The following ARMH3 variants were observed in gnomAD, a reference collection of about 807,000 sequenced individuals.
ARMH3 encodes the protein armadillo like helical domain containing 3.
Under a neutral mutation model 99.1 loss-of-function variants are expected in ARMH3, and 60 were observed. The ratio of observed to expected loss-of-function variants is 0.61; its 90% CI spans 0.49 to 0.75. The LOEUF (loss-of-function observed/expected upper bound fraction) is 0.75, where lower values mean the gene tolerates loss of function less well. Among genes scored for constraint, ARMH3 ranks in the 30% least tolerant of loss-of-function variants. The pLI, the probability that ARMH3 is intolerant of heterozygous loss-of-function variation, is 0.00. For synonymous variants in ARMH3, 285 were observed against 292.8 expected (o/e 0.97, Z 0.27); for missense variants, 679 against 843.1 (o/e 0.81, Z 2.41).
At chr10:101,954,823 A>C (rs1372601758) in intron 22 of ARMH3, among the ~76,000 whole-genome samples, 1 of 152,168 alleles carries the variant, frequency 6.6e-6, no homozygotes, top group Non-Finnish European at 1.5e-5. Context: ...CTCCTAGTTA[A>C]CATTTTTACT....
intron 19 of ARMH3, among the ~76,000 whole-genome samples, chr10:101,985,137 G>A (rs1301804634): frequency 6.8e-6 from 1 of 147,154 alleles, no homozygotes; most frequent in African/African-American, 2.5e-5. Flanking sequence ...ACACACATGT[G>A]TACATATATA....
chr10:101,877,428 G>A (rs991821089), intron 24 of ARMH3, among the ~76,000 whole-genome samples: 8 of 152,140 alleles, frequency 5.3e-5, no homozygotes, highest in Non-Finnish European at 1.0e-4. Context: ...TTGGGAGGCC[G>A]AGGCAGGCAG....
chr10:101,889,836 G>T lies in ARMH3; in HGVS notation c.1782-346C>A, dbSNP rs76580823. On this transcript the variant is annotated intron_variant, in intron 23 of 25. Transcript: ENST00000370033. The stretch of plus-strand genomic sequence containing the variant: ...GGGGCCCTGGTGCTTCAATCAGAAA[G>T]AAAAGCTGTCTTGTCTGACTTGGGA... The T allele has an allele frequency of 7.0e-3, 1,550 of 222,270 alleles. 19 individuals are homozygous for T. Among genetic ancestry groups the T allele is most frequent in the African/African-American group, 0.032 (1,456 of 45,046 alleles). 13.8% of individuals were successfully genotyped at this position (222,270 alleles called of 1,614,324 possible). A position where few individuals can be genotyped will look rare whatever the true frequency, so the allele number is the denominator to read the frequency against.
chr10:101,978,420 T>C (rs1846096122), intron 19 of ARMH3, among the ~76,000 whole-genome samples: 1 of 152,180 alleles, frequency 6.6e-6, no homozygotes, highest in Non-Finnish European at 1.5e-5. Context: ...ACAACCACTT[T>C]GGAAAAGTCT....
At chr10:101,855,061 CTTT>C (rs36174325) in intron 24 of ARMH3, among the ~76,000 whole-genome samples, 2 of 9,784 alleles carry the variant, frequency 2.0e-4, no homozygotes, top group East Asian at 3.7e-3. Context: ...ACTGTCTATT[CTTT>C]TTTTTTTTTT....
chr10:102,011,425 T>G (rs1207880402), intron 11 of ARMH3, among the ~76,000 whole-genome samples: 8 of 151,842 alleles, frequency 5.3e-5, no homozygotes, highest in Admixed American at 4.6e-4. Context: ...CTTTAAAAAA[T>G]TAATTAATTA....
chr10:101,892,216 G>A (rs993781622), intron 23 of ARMH3, among the ~76,000 whole-genome samples: 9 of 152,108 alleles, frequency 5.9e-5, no homozygotes, highest in African/African-American at 1.9e-4. Context: ...AGGCTAAGGT[G>A]GGCGGATTAC....
intron 8 of ARMH3, among the ~76,000 whole-genome samples, chr10:102,022,461 C>T (rs1403050672): frequency 2.2e-5 from 3 of 139,252 alleles, no homozygotes; most frequent in Admixed American, 7.3e-5. Context: ...CACTGCACTC[C>T]AGCCTGGGCG....
intron 20 of ARMH3, among the ~76,000 whole-genome samples, chr10:101,966,094 TTTC>T: frequency 6.6e-6 from 1 of 150,934 alleles, no homozygotes. Flanking sequence ...TTTTTTTCTT[TTTC>T]TTTTCTTTTT....
At chr10:101,912,961 A>T (rs1481587379) in intron 23 of ARMH3, 1 of 152,200 alleles carries the variant, frequency 6.6e-6, no homozygotes, top group Non-Finnish European at 1.5e-5. Flanking sequence ...AAAGGATACC[A>T]AAGACAGGGA....
At chr10:101,915,117 T>C (rs545569993) in intron 23 of ARMH3, among the ~76,000 whole-genome samples, 3 of 152,192 alleles carry the variant, frequency 2.0e-5, no homozygotes, top group Non-Finnish European at 4.4e-5. Context: ...CCTGCTCCAA[T>C]AGTAGACTTC....
intron 23 of ARMH3, 132 bp downstream of exon 23, chr10:101,939,731 C>G: frequency 1.6e-6 from 1 of 635,964 alleles, no homozygotes; most frequent in Admixed American, 2.9e-5. Context: ...TCAAGTACGA[C>G]AATTTTTCTT....
At chr10:101,885,326 T>C (rs1301770128) in intron 24 of ARMH3, among the ~76,000 whole-genome samples, 1 of 152,206 alleles carries the variant, frequency 6.6e-6, no homozygotes, top group East Asian at 1.9e-4. Flanking sequence ...CACATAGTTG[T>C]AATACGCCAA....
intron 23 of ARMH3, among the ~76,000 whole-genome samples, chr10:101,907,390 T>G (rs902174798): frequency 4.0e-5 from 6 of 151,686 alleles, no homozygotes; most frequent in South Asian, 2.1e-4. Context: ...TTTTTGTTTT[T>G]TTTTTTTTTT....
At chr10:101,854,626 C>T (rs1234895039) in intron 24 of ARMH3, among the ~76,000 whole-genome samples, 2 of 152,118 alleles carry the variant, frequency 1.3e-5, no homozygotes, top group African/African-American at 4.8e-5. Flanking sequence ...TTGGGAAGGC[C>T]TAAACATCTG....
chr10:102,010,311 A>G (rs996626934), intron 11 of ARMH3, among the ~76,000 whole-genome samples: 3 of 152,142 alleles, frequency 2.0e-5, no homozygotes, highest in African/African-American at 4.8e-5. Flanking sequence ...CTTTTGTCCA[A>G]CTCTCCTTTT....
chr10:101,869,927 G>A (rs777364386), intron 24 of ARMH3, among the ~76,000 whole-genome samples: 1 of 152,192 alleles, frequency 6.6e-6, no homozygotes, highest in Non-Finnish European at 1.5e-5. Context: ...CAGATACTCA[G>A]GAGGTTGAAG....
rs773974406 is a variant in ARMH3, at chr10:102,001,953, A to G, written c.1150+18T>C. The G allele has an allele frequency of 6.2e-6, 10 of 1,611,542 alleles. No homozygotes were observed. Among genetic ancestry groups the G allele is most frequent in the Middle Eastern group, 1.7e-4 (1 of 6,052 alleles). On this transcript the variant is annotated intron_variant, in intron 15 of 25. Transcript: ENST00000370033. ...CACACCTTTGACTTCCTGAGCCCCC[A>G]AAATAGCTATGGCTTACCTTTGGTG...
intron 23 of ARMH3, among the ~76,000 whole-genome samples, chr10:101,908,664 C>CTTTT (rs373262667): frequency 7.3e-6 from 1 of 137,360 alleles, no homozygotes; most frequent in Non-Finnish European, 1.6e-5. Flanking sequence ...TTTTCTTTTT[C>CTTTT]TTTTTTTTTT....
Sources: gnomAD v4.1 joint callset for allele counts (sites outside exome capture counted in the v4.1 genomes callset) on GRCh38, gnomAD v4.1.1 for gene constraint, MANE v1.5 for transcripts, NCBI Gene and HGNC (gene_info 2026-07-23, HGNC 2026-07-21) for gene names.